The following CSMD1 variants were observed in gnomAD, a reference collection of about 807,000 sequenced individuals.
CSMD1 encodes the protein CUB and Sushi multiple domains 1.
Under a neutral mutation model 417.5 loss-of-function variants are expected in CSMD1, and 213 were observed. The observed-to-expected ratio is 0.51, with a 90% confidence interval of 0.46 to 0.57. The LOEUF (loss-of-function observed/expected upper bound fraction) is 0.57. Ranked by LOEUF, CSMD1 falls within the 20% of genes least tolerant of loss-of-function variation. The pLI is 0.00. For synonymous variants in CSMD1, 2,862 were observed against 1,736.8 expected (o/e 1.65, Z -16.11); for missense variants, 6,923 against 4,529.7 (o/e 1.53, Z -15.17).
At chr8:3,640,893 TG>T (rs1797273002) in intron 7 of CSMD1, among the ~76,000 whole-genome samples, 1 of 152,066 alleles carries the variant, frequency 6.6e-6, no homozygotes, top group South Asian at 2.1e-4. Context: ...ATCCAATATG[TG>T]GCATTAATCA....
At chr8:4,418,577 A>T (rs1417732756) in intron 3 of CSMD1, among the ~76,000 whole-genome samples, 19 of 152,194 alleles carry the variant, frequency 1.2e-4, no homozygotes, top group Non-Finnish European at 2.5e-4. Context: ...CTGAACAAAT[A>T]TTGTATGTTA....
At chr8:4,932,150 AT>A (rs1477967831) in intron 1 of CSMD1, among the ~76,000 whole-genome samples, 2 of 152,220 alleles carry the variant, frequency 1.3e-5, no homozygotes, top group African/African-American at 4.8e-5. Flanking sequence ...TTCTAGATAA[AT>A]TGATTACAGC....
At chr8:3,747,800 T>A (rs186190584) in intron 6 of CSMD1, among the ~76,000 whole-genome samples, 1 of 152,174 alleles carries the variant, frequency 6.6e-6, no homozygotes, top group East Asian at 1.9e-4. Context: ...AAAAAAGTCA[T>A]TGTTTTGTTC....
chr8:3,563,342 C>T (rs948654929), intron 10 of CSMD1, among the ~76,000 whole-genome samples: 5 of 148,000 alleles, frequency 3.4e-5, no homozygotes, highest in Non-Finnish European at 7.4e-5. Flanking sequence ...TTTGTTGTTA[C>T]TCATATCATT....
chr8:4,150,274 G>A (rs1796498872), intron 3 of CSMD1, among the ~76,000 whole-genome samples: 1 of 152,158 alleles, frequency 6.6e-6, no homozygotes, highest in Non-Finnish European at 1.5e-5. Flanking sequence ...CCTTTCCCCA[G>A]ATGTAGAAGT....
At chr8:4,101,136 G>C (rs1801283301) in intron 3 of CSMD1, among the ~76,000 whole-genome samples, 1 of 152,156 alleles carries the variant, frequency 6.6e-6, no homozygotes, top group African/African-American at 2.4e-5. Context: ...GGCCTCAGCA[G>C]GACACTTAAG....
At chr8:3,324,860 A>G (rs926818837) in intron 23 of CSMD1, among the ~76,000 whole-genome samples, 3 of 152,162 alleles carry the variant, frequency 2.0e-5, no homozygotes, top group African/African-American at 4.8e-5. Context: ...TTCAAGCTCA[A>G]TATTCCCAAT....
intron 49 of CSMD1, among the ~76,000 whole-genome samples, chr8:3,084,627 C>A (rs1315394049): frequency 2.0e-5 from 3 of 150,784 alleles, no homozygotes; most frequent in Non-Finnish European, 2.9e-5. Flanking sequence ...CTACAAAAAT[C>A]ACACATTTAT....
At chr8:2,951,977 G>T (rs1477029316) in intron 65 of CSMD1, among the ~76,000 whole-genome samples, 1 of 152,094 alleles carries the variant, frequency 6.6e-6, no homozygotes, top group East Asian at 1.9e-4. Context: ...TTAAAGCACA[G>T]AATCCATCGA....
chr8:3,494,551 AGAT>A (rs1241434446), intron 10 of CSMD1, among the ~76,000 whole-genome samples: 2 of 129,806 alleles, frequency 1.5e-5, no homozygotes, highest in Non-Finnish European at 3.2e-5. Flanking sequence ...CAGACAGATT[AGAT>A]GATAGATAGA....
chr8:4,834,780 C>A (rs183389207), intron 1 of CSMD1, among the ~76,000 whole-genome samples: 1 of 151,114 alleles, frequency 6.6e-6, no homozygotes, highest in Non-Finnish European at 1.5e-5. Flanking sequence ...CACGGTGAAA[C>A]CCCGTCTCTA....
intron 20 of CSMD1, among the ~76,000 whole-genome samples, chr8:3,363,045 C>T (rs958543587): frequency 1.3e-5 from 2 of 152,214 alleles, no homozygotes; most frequent in African/African-American, 4.8e-5. Context: ...AACTTCACGT[C>T]CCTCCACTTT....
chr8:3,446,859 G>A (rs999622385), intron 12 of CSMD1, among the ~76,000 whole-genome samples: 2 of 152,188 alleles, frequency 1.3e-5, no homozygotes, highest in Admixed American at 6.5e-5. Flanking sequence ...GGTTTCATTA[G>A]CATTTCTTTT....
chr8:3,541,218 C>T (rs568586475), intron 10 of CSMD1, among the ~76,000 whole-genome samples: 5 of 152,114 alleles, frequency 3.3e-5, no homozygotes, highest in African/African-American at 7.2e-5. Flanking sequence ...AATGAGATCA[C>T]GTGCTTTGCA....
Position 3,330,442 on chromosome 8 carries a change from G to T in CSMD1, c.3631+12852C>A, listed in dbSNP as rs183444258. 1.6e-4 allele frequency among the ~76,000 whole-genome samples: 25 copies of T among 152,342 alleles called. No individual in the cohort carries two copies. The East Asian group carries it at 4.8e-3, about 29-fold the overall frequency. ...AAAAAGGAATGAGATCATGTCTTTT[G>T]TGAGAACATGGATGGAGCTGGAGGG... On this transcript the variant is annotated intron_variant, in intron 23 of 69. Transcript: ENST00000635120.
At chr8:3,169,159 G>A (rs989876005) in intron 37 of CSMD1, among the ~76,000 whole-genome samples, 3 of 152,146 alleles carry the variant, frequency 2.0e-5, no homozygotes, top group African/African-American at 7.2e-5. Context: ...CATAGCCTCT[G>A]CATTACACAT....
At chr8:4,538,584 A>C (rs1332401094) in intron 2 of CSMD1, among the ~76,000 whole-genome samples, 3 of 152,070 alleles carry the variant, frequency 2.0e-5, no homozygotes, top group African/African-American at 7.2e-5. Context: ...TGGACGTTGC[A>C]GTGAGCCGAG....
At chr8:3,244,212 T>C (rs1003872956) in intron 26 of CSMD1, among the ~76,000 whole-genome samples, 2 of 152,222 alleles carry the variant, frequency 1.3e-5, no homozygotes, top group Non-Finnish European at 2.9e-5. Flanking sequence ...AGAGATGCTA[T>C]TGCGAGGCTG....
intron 1 of CSMD1, among the ~76,000 whole-genome samples, chr8:4,690,788 G>A (rs1417699480): frequency 6.6e-6 from 1 of 152,102 alleles, no homozygotes; most frequent in Non-Finnish European, 1.5e-5. Flanking sequence ...GAGTTCACTG[G>A]TGCGATCTCG....
Sources: allele counts gnomAD v4.1 joint callset (sites outside exome capture counted in the v4.1 genomes callset), GRCh38; gene constraint gnomAD v4.1.1; transcripts MANE v1.5; gene names NCBI Gene and HGNC (gene_info 2026-07-23, HGNC 2026-07-21).